SLC67A1: variants seen among roughly 807,000 people sequenced by gnomAD.
SLC67A1 encodes the protein solute carrier family 67 member 1.
the SLC67A1 span, among the ~76,000 whole-genome samples, chr11:2,904,743 C>T: frequency 6.6e-6 from 1 of 152,178 alleles, no homozygotes; most frequent in South Asian, 2.1e-4. Flanking sequence ...TCCACACGCA[C>T]AGGGGCTGCA....
the SLC67A1 span, among the ~76,000 whole-genome samples, chr11:2,912,874 G>A: frequency 1.3e-5 from 2 of 152,220 alleles, no homozygotes; most frequent in African/African-American, 4.8e-5. Flanking sequence ...TCCCCAGGTG[G>A]ACAGGCAGCC....
the SLC67A1 span, among the ~76,000 whole-genome samples, chr11:2,901,994 C>T: frequency 7.2e-5 from 11 of 152,316 alleles, no homozygotes; most frequent in African/African-American, 2.6e-4. Flanking sequence ...AAGTGGACAC[C>T]GGTGCTGCCT....
the SLC67A1 span, among the ~76,000 whole-genome samples, chr11:2,901,774 C>G: frequency 6.0e-3 from 921 of 152,312 alleles, 13 homozygotes; most frequent in African/African-American, 0.021. Context: ...GGGCCCAGAG[C>G]TGTCTCCTGG....
the SLC67A1 span, chr11:2,903,844 G>A: frequency 5.7e-5 from 16 of 279,788 alleles, no homozygotes; most frequent in Admixed American, 9.1e-5. Context: ...TGTTCAATCC[G>A]GTGTGGCTCT....
the SLC67A1 span, chr11:2,918,130 G>A: frequency 6.5e-7 from 1 of 1,546,344 alleles, no homozygotes; most frequent in Non-Finnish European, 8.9e-7. Context: ...AGCGGCCAGA[G>A]CCTGGCAGAG....
chr11:2,917,808 C>T, the SLC67A1 span, among the ~76,000 whole-genome samples: 2 of 152,234 alleles, frequency 1.3e-5, no homozygotes, highest in Admixed American at 6.5e-5. Flanking sequence ...CGGTGCCCAA[C>T]CTGGCAGCTG....
chr11:2,904,286 G>A, the SLC67A1 span, among the ~76,000 whole-genome samples: 4 of 152,204 alleles, frequency 2.6e-5, no homozygotes, highest in Non-Finnish European at 5.9e-5. Context: ...TCAGCCCTCA[G>A]AGCCTGGACC....
the SLC67A1 span, chr11:2,903,236 T>G: frequency 6.5e-7 from 1 of 1,529,440 alleles, no homozygotes; most frequent in Middle Eastern, 2.5e-4. Context: ...GGGTGCTGCC[T>G]GGGACCCAGT....
the SLC67A1 span, chr11:2,916,517 G>T: frequency 7.4e-6 from 6 of 816,164 alleles, no homozygotes; most frequent in South Asian, 8.0e-5. Flanking sequence ...TGGGAGGTCA[G>T]ATTTAAGCTA....
the SLC67A1 span, chr11:2,902,088 C>G: frequency 6.6e-6 from 1 of 151,872 alleles, no homozygotes; most frequent in East Asian, 1.9e-4. Context: ...AAGCCGGGCA[C>G]GGGGCGAGCC....
At chr11:2,910,510 G>C in the SLC67A1 span, among the ~76,000 whole-genome samples, 1 of 152,166 alleles carries the variant, frequency 6.6e-6, no homozygotes, top group Admixed American at 6.5e-5. Context: ...GGCCCTGGGT[G>C]TGGAAGCCAG....
At chr11:2,922,099 T>C in the SLC67A1 span, 4 of 1,611,024 alleles carry the variant, frequency 2.5e-6, no homozygotes, top group Admixed American at 6.7e-5. Flanking sequence ...TGTCTGGCTC[T>C]AGGTGACCCA....
the SLC67A1 span, chr11:2,903,522 G>C: frequency 6.2e-7 from 1 of 1,611,088 alleles, no homozygotes. Flanking sequence ...TGCAGCCCCA[G>C]CCAGGGCTGA....
At chr11:2,913,199 C>G in the SLC67A1 span, among the ~76,000 whole-genome samples, 4,336 of 152,300 alleles carry the variant, frequency 0.028, 216 homozygotes, top group African/African-American at 0.097. Flanking sequence ...GCCGCCCCCC[C>G]AGCCAGGTGA....
the SLC67A1 span, chr11:2,925,133 A>C: frequency 1.5e-5 from 24 of 1,613,782 alleles, no homozygotes; most frequent in East Asian, 4.5e-4. The surrounding 1 kb of genome is among the most constrained non-coding windows in gnomAD (Gnocchi z 6.5). Context: ...GTTGCTATCA[A>C]TACCCTTGTC....
the SLC67A1 span, among the ~76,000 whole-genome samples, chr11:2,912,272 C>T: frequency 3.3e-5 from 5 of 152,222 alleles, no homozygotes; most frequent in South Asian, 2.1e-4. Context: ...GAGGCCCACA[C>T]CTCCCCCTCG....
the SLC67A1 span, among the ~76,000 whole-genome samples, chr11:2,900,761 G>A: frequency 2.7e-5 from 4 of 146,540 alleles, no homozygotes; most frequent in Non-Finnish European, 6.0e-5. Context: ...GCTCAACAAA[G>A]TATGGACATC....
the SLC67A1 span, chr11:2,919,312 T>C: frequency 6.2e-6 from 10 of 1,613,478 alleles, no homozygotes; most frequent in Admixed American, 1.7e-5. Context: ...CTCAGGGCTC[T>C]TCATGGTCAT....
chr11:2,914,376 C>CG, the SLC67A1 span, among the ~76,000 whole-genome samples: 1 of 152,166 alleles, frequency 6.6e-6, no homozygotes, highest in Non-Finnish European at 1.5e-5. Flanking sequence ...TCAATGGTCC[C>CG]GGGGGATGCC....
Sources: gnomAD v4.1 joint callset for allele counts (sites outside exome capture counted in the v4.1 genomes callset) on GRCh38, gnomAD v4.1.1 for gene constraint, Gnocchi (gnomAD v3.1) non-coding constraint, MANE v1.5 for transcripts, NCBI Gene and HGNC (gene_info 2026-07-23, HGNC 2026-07-21) for gene names.